ARID2: variants seen among roughly 807,000 people sequenced by gnomAD.
ARID2 encodes AT-rich interaction domain 2.
Under a neutral mutation model 184.6 loss-of-function variants are expected in ARID2, and 32 were observed. The observed-to-expected ratio is 0.17, with a 90% confidence interval of 0.13 to 0.23. The LOEUF (loss-of-function observed/expected upper bound fraction) is 0.23. Among genes scored for constraint, ARID2 ranks in the 10% least tolerant of loss-of-function variants. The pLI is 1.00. For missense variants in ARID2, 1,696 were observed against 2,197.6 expected (o/e 0.77, Z 4.56); for synonymous variants, 836 against 772.6 (o/e 1.08, Z -1.36).
chr12:45,864,551 A>G (rs779530305), intron 16 of ARID2, among the ~76,000 whole-genome samples: 46 of 148,482 alleles, frequency 3.1e-4, no homozygotes, highest in Non-Finnish European at 5.6e-4. Context: ...AATTTGTCCT[A>G]TAGAGCATTA....
intron 11 of ARID2, chr12:45,842,263 A>G (rs1239173634): frequency 1.3e-5 from 2 of 151,382 alleles, no homozygotes; most frequent in Non-Finnish European, 2.9e-5. Flanking sequence ...GTATATGTAT[A>G]TACATATATA....
At chr12:45,832,857 C>T (rs561528543) in intron 6 of ARID2, among the ~76,000 whole-genome samples, 1 of 152,276 alleles carries the variant, frequency 6.6e-6, no homozygotes, top group South Asian at 2.1e-4. Flanking sequence ...TTAAAGTACA[C>T]AGGAGGATGT....
At chr12:45,885,100 GATAAA>G (rs1262894098) in intron 16 of ARID2, among the ~76,000 whole-genome samples, 4 of 150,796 alleles carry the variant, frequency 2.7e-5, no homozygotes, top group South Asian at 2.1e-4. Flanking sequence ...TTTGCAACTA[GATAAA>G]ATAAAGTTGG....
At chr12:45,891,170 A>AC (rs1439376837) in intron 16 of ARID2, among the ~76,000 whole-genome samples, 1 of 152,208 alleles carries the variant, frequency 6.6e-6, no homozygotes, top group African/African-American at 2.4e-5. Context: ...TCTCAAAAAA[A>AC]AAAAAAAAAA....
chr12:45,891,736 A>G (rs756737352), intron 16 of ARID2, 44 bp from the exon 17 acceptor site: 11 of 1,589,410 alleles, frequency 6.9e-6, no homozygotes, highest in Non-Finnish European at 9.4e-6. Context: ...GTTTCAAAAT[A>G]TACTTGAATA....
intron 8 of ARID2, 144 bp downstream of exon 8, chr12:45,837,135 A>C (rs1264857233): frequency 1.6e-6 from 2 of 1,219,542 alleles, no homozygotes; most frequent in Admixed American, 2.7e-5. Flanking sequence ...GTGATGTAGA[A>C]GTATCACATA....
chr12:45,793,991 T>C (rs1592080510), intron 3 of ARID2, among the ~76,000 whole-genome samples: 1 of 152,308 alleles, frequency 6.6e-6, no homozygotes, highest in East Asian at 1.9e-4. Context: ...AAATCTTGCC[T>C]GGGGTTTTAA....
chr12:45,744,740 CT>C (rs1412438545), intron 3 of ARID2, among the ~76,000 whole-genome samples: 2 of 152,018 alleles, frequency 1.3e-5, no homozygotes, highest in African/African-American at 2.4e-5. Context: ...AATGAACCCC[CT>C]AAAGAAGAAA....
At chr12:45,886,573 A>G (rs1426063692) in intron 16 of ARID2, among the ~76,000 whole-genome samples, 3 of 152,182 alleles carry the variant, frequency 2.0e-5, no homozygotes, top group African/African-American at 7.2e-5. Flanking sequence ...GTTCTCCATG[A>G]GGGTTCTGCC....
chr12:45,857,764 T>C (rs958073285), intron 15 of ARID2, among the ~76,000 whole-genome samples: 2 of 152,062 alleles, frequency 1.3e-5, no homozygotes, highest in African/African-American at 4.8e-5. Flanking sequence ...TCCCTCTCTC[T>C]CTCTCTTTTT....
At chr12:45,792,379 A>G (rs777053366) in intron 3 of ARID2, among the ~76,000 whole-genome samples, 15 of 152,206 alleles carry the variant, frequency 9.9e-5, no homozygotes, top group Non-Finnish European at 2.1e-4. Flanking sequence ...GTTACCTAAT[A>G]TGTACTGTGA....
At chr12:45,873,513 GTTATT>G (rs1370897470) in intron 16 of ARID2, among the ~76,000 whole-genome samples, 1 of 151,762 alleles carries the variant, frequency 6.6e-6, no homozygotes, top group Non-Finnish European at 1.5e-5. Flanking sequence ...TTCATTTGTG[GTTATT>G]TTAGAGTTTG....
chr12:45,775,223 C>G (rs1039554656), intron 3 of ARID2, among the ~76,000 whole-genome samples: 1 of 152,210 alleles, frequency 6.6e-6, no homozygotes, highest in Non-Finnish European at 1.5e-5. Flanking sequence ...AGGACGTAAG[C>G]TGACAACCAG....
At chr12:45,772,091 G>A (rs1361536516) in intron 3 of ARID2, among the ~76,000 whole-genome samples, 18 of 152,022 alleles carry the variant, frequency 1.2e-4, no homozygotes, top group Admixed American at 1.2e-3. Flanking sequence ...AGATGTATAT[G>A]GGAAGCCCTA....
chr12:45,762,925 A>G (rs1941707423), intron 3 of ARID2, among the ~76,000 whole-genome samples: 1 of 152,214 alleles, frequency 6.6e-6, no homozygotes, highest in Non-Finnish European at 1.5e-5. Flanking sequence ...AGTATATTTA[A>G]AAAACCTTTT....
chr12:45,786,164 G>A (rs1355236814), intron 3 of ARID2, among the ~76,000 whole-genome samples: 1 of 152,002 alleles, frequency 6.6e-6, no homozygotes, highest in Non-Finnish European at 1.5e-5. Context: ...TTTTTTATCT[G>A]CATATATAGC....
intron 3 of ARID2, among the ~76,000 whole-genome samples, chr12:45,780,564 T>C (rs904684208): frequency 1.3e-5 from 2 of 152,118 alleles, no homozygotes; most frequent in African/African-American, 4.8e-5. Flanking sequence ...GCTTTTTTGG[T>C]AACTAAACAG....
rs186173183 is a variant in ARID2, at chr12:45,857,761, C to G, written c.4774-3040C>G. 1.9e-4 allele frequency among the ~76,000 whole-genome samples: 29 copies of G among 152,086 alleles called. No individual in the cohort carries two copies. The East Asian group carries it at 5.6e-3, about 29-fold the overall frequency. On this transcript the variant is annotated intron_variant, in intron 15 of 20. Coordinates refer to ENST00000334344, the MANE Select transcript of ARID2 (RefSeq NM_152641.4). ...AATGCATCTCTCTCTCTCTCCCTCT[C>G]TCTCTCTCTTTTTTTTAATACAGAG...
At position 45,867,757 on chromosome 12, in the gene ARID2, GA is replaced by G. The variant is rs527782123; in HGVS notation, c.4922+6817del. On this transcript the variant is annotated intron_variant, in intron 16 of 20. Coordinates refer to ENST00000334344, the MANE Select transcript of ARID2 (RefSeq NM_152641.4). ...GACTCCATCTCAAAAAAAAAAAAAA[GA>G]AAAAAAAACTTCTGTACAGATGGGG... Among the ~76,000 whole-genome samples, 8 of 144,142 alleles carry G rather than the reference GA, an allele frequency of 5.6e-5. No homozygotes were observed. In the South Asian group the frequency reaches 1.7e-3, roughly 31 times the overall value. The allele number at this position is 144,142 out of a possible 152,430, so 94.6% of individuals were successfully genotyped here. A position where few individuals can be genotyped will look rare whatever the true frequency, so the allele number is the denominator to read the frequency against.
Sources: allele counts gnomAD v4.1 joint callset (sites outside exome capture counted in the v4.1 genomes callset), GRCh38; gene constraint gnomAD v4.1.1; transcripts MANE v1.5; gene names NCBI Gene and HGNC (gene_info 2026-07-23, HGNC 2026-07-21).